POC1A: variants seen among roughly 807,000 people sequenced by gnomAD.
POC1A encodes POC1 centriolar protein A, also known as POC1 centriolar protein homolog A.
POC1A carries 34 observed loss-of-function variants against 47.8 expected under a neutral mutation model. That is an observed-to-expected ratio of 0.71 (90% CI 0.54 to 0.95). The LOEUF is 0.95. Among genes scored for constraint, POC1A ranks in the 40% least tolerant of loss-of-function variants. The pLI, the probability that POC1A is intolerant of heterozygous loss-of-function variation, is 0.00. For synonymous variants in POC1A, 177 were observed against 207.6 expected, an observed-to-expected ratio of 0.85 and a Z score of 1.27; for missense variants, 466 against 528.3, an observed-to-expected ratio of 0.88 and a Z score of 1.16.
At chr3:52,150,811 C>T (rs1414873393) in intron 2 of POC1A, among the ~76,000 whole-genome samples, 1 of 152,176 alleles carries the variant, frequency 6.6e-6, no homozygotes, top group Non-Finnish European at 1.5e-5. Context: ...GGCCCCTAAC[C>T]TCTCTGACCC....
At chr3:52,121,214 T>G (rs573274647) in intron 9 of POC1A, among the ~76,000 whole-genome samples, 2 of 152,190 alleles carry the variant, frequency 1.3e-5, no homozygotes, top group Admixed American at 1.3e-4. Flanking sequence ...AGAGAGGGAT[T>G]CACAGGAAAG....
intron 3 of POC1A, among the ~76,000 whole-genome samples, 155 bp from the exon 4 acceptor site, chr3:52,149,544 A>G (rs1270955969): frequency 6.6e-6 from 1 of 152,204 alleles, no homozygotes; most frequent in Non-Finnish European, 1.5e-5. Flanking sequence ...AGCCTCTCCT[A>G]TATGAACAGA....
intron 10 of POC1A, among the ~76,000 whole-genome samples, chr3:52,082,263 G>A (rs1702321935): frequency 6.6e-6 from 1 of 152,202 alleles, no homozygotes. Flanking sequence ...GGGAGCTGAG[G>A]GCCTTGGCAG....
intron 6 of POC1A, among the ~76,000 whole-genome samples, chr3:52,143,419 A>G (rs979048763): frequency 3.3e-5 from 5 of 151,830 alleles, no homozygotes; most frequent in African/African-American, 1.2e-4. Flanking sequence ...CCACCTCCTG[A>G]CAACCCTCTT....
chr3:52,153,185 A>G (rs966057116), intron 1 of POC1A, among the ~76,000 whole-genome samples: 9 of 152,268 alleles, frequency 5.9e-5, no homozygotes, highest in Non-Finnish European at 1.0e-4. Context: ...AACTTAATAA[A>G]GTTAAAACAC....
Position 52,122,371 on chromosome 3 carries a change from C to G in POC1A, c.981+8G>C, listed in dbSNP as rs1322724098. 1 of 1,553,694 alleles carries G rather than the reference C, an allele frequency of 6.4e-7. No individual in the cohort carries two copies. The highest frequency in any genetic ancestry group is 1.1e-5 in the South Asian group (1 of 89,828). On this transcript the variant is annotated splice_region_variant and intron_variant, in intron 9 of 10. Transcript: ENST00000296484. ...CAGAGCTCAGGACATGCCTGCCAAG[C>G]CACTTACCAGATTCCCCATGGAGCT... is the stretch of plus-strand genomic sequence containing the variant.
At chr3:52,154,332 G>A (rs1291975369) in intron 1 of POC1A, 23 bp downstream of exon 1, 3 of 1,561,656 alleles carry the variant, frequency 1.9e-6, no homozygotes, top group Non-Finnish European at 1.7e-6. Flanking sequence ...GAGGCCTGGG[G>A]AGTTGCTCTC....
At chr3:52,094,138 T>C (rs950738491) in intron 10 of POC1A, among the ~76,000 whole-genome samples, 7 of 152,164 alleles carry the variant, frequency 4.6e-5, no homozygotes, top group African/African-American at 1.4e-4. Context: ...ACAATTCACA[T>C]GGATGACTTT....
rs957049692 is a variant in POC1A at position 52,138,152 on chromosome 3, T to C, written c.813+17A>G. On this transcript the variant is annotated intron_variant, in intron 7 of 10. Transcript: ENST00000296484. ...CCACCACTCCACACCACTCAGCACC[T>C]GGCCGACACCTCTCACCTGATGCCC... The C allele has an allele frequency of 1.2e-6, 2 of 1,613,980 alleles. No homozygotes were observed. The highest frequency in any genetic ancestry group is 1.7e-4 in the Middle Eastern group (1 of 6,060).
intron 7 of POC1A, among the ~76,000 whole-genome samples, chr3:52,128,640 T>A (rs896588167): frequency 1.6e-4 from 25 of 152,194 alleles, no homozygotes; most frequent in Admixed American, 8.5e-4. Flanking sequence ...ACTGCTGACA[T>A]GCTTCAGGGC....
At chr3:52,088,574 A>G (rs1183695964) in intron 10 of POC1A, among the ~76,000 whole-genome samples, 1 of 152,090 alleles carries the variant, frequency 6.6e-6, no homozygotes, top group Admixed American at 6.6e-5. Flanking sequence ...GAAAGCACCA[A>G]GAGGTCACGG....
intron 8 of POC1A, among the ~76,000 whole-genome samples, chr3:52,124,872 G>C (rs1465863576): frequency 6.6e-6 from 1 of 152,200 alleles, no homozygotes; most frequent in Non-Finnish European, 1.5e-5. Flanking sequence ...GCTAGCCTGA[G>C]CAGTGAGGAT....
chr3:52,082,601 G>A (rs1267038617), intron 10 of POC1A, among the ~76,000 whole-genome samples: 3 of 152,102 alleles, frequency 2.0e-5, no homozygotes, highest in African/African-American at 2.4e-5. Context: ...CTGTCCTATT[G>A]GGGCAACATT....
At chr3:52,120,169 C>T (rs781193365) in intron 9 of POC1A, among the ~76,000 whole-genome samples, 1 of 152,196 alleles carries the variant, frequency 6.6e-6, no homozygotes, top group African/African-American at 2.4e-5. Flanking sequence ...TGGAAATAGA[C>T]GGTGATGGTT....
intron 9 of POC1A, among the ~76,000 whole-genome samples, chr3:52,110,931 A>G (rs9847073): frequency 0.13 from 19,969 of 152,252 alleles, 1,964 homozygotes; most frequent in African/African-American, 0.27. Context: ...CTCGAAAGAG[A>G]TAACGAAGCT....
intron 9 of POC1A, among the ~76,000 whole-genome samples, chr3:52,107,940 C>A (rs775415663): frequency 6.6e-6 from 1 of 152,196 alleles, no homozygotes; most frequent in Non-Finnish European, 1.5e-5. Context: ...GTTCCAGAAT[C>A]CTACCGATGC....
chr3:52,103,751 T>C (rs1286151159), intron 9 of POC1A, among the ~76,000 whole-genome samples: 1 of 152,090 alleles, frequency 6.6e-6, no homozygotes, highest in Non-Finnish European at 1.5e-5. Context: ...CTCTACATCA[T>C]TAATCATTAG....
At chr3:52,109,154 C>A (rs1212876795) in intron 9 of POC1A, among the ~76,000 whole-genome samples, 2 of 152,154 alleles carry the variant, frequency 1.3e-5, no homozygotes, top group African/African-American at 4.8e-5. Flanking sequence ...CTTTCCGCAT[C>A]CTTATTTGAA....
chr3:52,094,187 C>A (rs764630848), intron 10 of POC1A, among the ~76,000 whole-genome samples: 2 of 152,196 alleles, frequency 1.3e-5, no homozygotes, highest in East Asian at 3.8e-4. Flanking sequence ...GGCATCCTAC[C>A]CCTCCAGAAC....
Sources: allele counts gnomAD v4.1 joint callset (sites outside exome capture counted in the v4.1 genomes callset), GRCh38; gene constraint gnomAD v4.1.1; transcripts MANE v1.5; gene names NCBI Gene and HGNC (gene_info 2026-07-23, HGNC 2026-07-21).